The following UTP14A variants were observed in gnomAD, a reference collection of about 807,000 sequenced individuals.
The protein encoded by UTP14A is U3 small nucleolar RNA-associated protein 14 homolog A.
Under a neutral mutation model 57.2 loss-of-function variants are expected in UTP14A, and 5 were observed. The observed-to-expected ratio is 0.09, with a 90% CI of 0.05 to 0.18. The LOEUF (loss-of-function observed/expected upper bound fraction) is 0.18, where lower values mean the gene tolerates loss of function less well. UTP14A is among the 10% of genes least tolerant of loss of function. The probability of loss-of-function intolerance (pLI) is 1.00; values close to 1 mark genes in which losing one functional copy is unlikely to be tolerated. For synonymous variants in UTP14A, 169 were observed against 210.9 expected (o/e 0.80, Z 1.72); for missense variants, 430 against 562.1 (o/e 0.76, Z 2.38).
At chrX:129,907,943 G>C in intron 2 of UTP14A, 117 bp from the exon 3 acceptor site, 1 of 649,749 alleles carries the variant, frequency 1.5e-6, no homozygotes, top group African/African-American at 2.3e-5. Context: ...GCAACAGAGC[G>C]AGACGCCGTC....
intron 3 of UTP14A, chrX:129,908,357 T>G (rs1331165449): frequency 2.4e-6 from 1 of 417,057 alleles, no homozygotes; most frequent in African/African-American, 2.5e-5. Context: ...TAGGCATTAT[T>G]TAACCCCATT....
At chrX:129,909,335 G>A (rs1326303596) in intron 4 of UTP14A, among the ~76,000 whole-genome samples, 4 of 106,962 alleles carry the variant, frequency 3.7e-5, no homozygotes, top group African/African-American at 6.9e-5. Flanking sequence ...TCAGCCTCCC[G>A]AGTATCTGGG....
chrX:129,926,185 T>G, intron 13 of UTP14A, 55 bp from the exon 14 acceptor site: 1 of 1,207,837 alleles, frequency 8.3e-7, no homozygotes, highest in East Asian at 3.0e-5. Context: ...CTCCCTACCC[T>G]TTTGACTAAG....
At chrX:129,913,850 G>A (rs993980704) in intron 6 of UTP14A, among the ~76,000 whole-genome samples, 2 of 111,194 alleles carry the variant, frequency 1.8e-5, no homozygotes, top group African/African-American at 6.5e-5. Context: ...GCATGGTGGT[G>A]TGTGCCTGTA....
chrX:129,920,187 T>C (rs1192689863), intron 8 of UTP14A, among the ~76,000 whole-genome samples: 1 of 103,944 alleles, frequency 9.6e-6, no homozygotes, highest in East Asian at 3.0e-4. Context: ...AGACCCTGTC[T>C]AAAAAAAAAA....
At chrX:129,915,800 T>C (rs1344037603) in intron 6 of UTP14A, among the ~76,000 whole-genome samples, 1 of 110,005 alleles carries the variant, frequency 9.1e-6, no homozygotes, top group African/African-American at 3.3e-5. Context: ...AATTGCCAAA[T>C]CCCAAGCCCT....
intron 4 of UTP14A, among the ~76,000 whole-genome samples, chrX:129,908,935 C>G (rs1309043725): frequency 8.9e-6 from 1 of 111,911 alleles, no homozygotes. Context: ...AGGCTGTGGT[C>G]AAGGTATCCT....
intron 10 of UTP14A, 183 bp downstream of exon 10, chrX:129,920,935 C>T (rs1320567015): frequency 2.7e-6 from 2 of 752,575 alleles, no homozygotes; most frequent in East Asian, 1.5e-4. Context: ...AGGGAAACAG[C>T]ATTGAAGGCA....
intron 3 of UTP14A, 59 bp downstream of exon 3, chrX:129,908,189 G>C: frequency 9.8e-7 from 1 of 1,015,915 alleles, no homozygotes; most frequent in Non-Finnish European, 1.4e-6. Flanking sequence ...TTTCTCTGCA[G>C]CTAATATTTA....
chrX:129,911,268 C>T, intron 5 of UTP14A, 118 bp downstream of exon 5: 2 of 948,113 alleles, frequency 2.1e-6, no homozygotes. Flanking sequence ...TGTGATTTCC[C>T]CACTATGGAT....
chrX:129,928,760 C>CA (rs1253526321), intron 14 of UTP14A, among the ~76,000 whole-genome samples: 7 of 98,258 alleles, frequency 7.1e-5, no homozygotes, highest in Admixed American at 1.1e-4. Flanking sequence ...TCTCAAAAAA[C>CA]AAAAAAAAAA....
At position 129,926,314 on chromosome X, in the gene UTP14A, G is replaced by A. The variant is rs1247104241; in HGVS notation, c.2018G>A (p.Arg673His). ...NLPNVIINEK[R>H]NIHAAAHQVR... ...CCAAATGTGATTATCAATGAGAAGC[G>A]CAACATCCACGCAGCTGCTCATCAG... The change falls in exon 14 of 15, where the codon CGC becomes CAC. Residue 673 changes from arginine (R) to histidine (H), a missense_variant. This residue lies in a region of UTP14A where 82 missense variants were observed against 151.4 expected (regional missense o/e 0.54). Coordinates refer to ENST00000394422, the MANE Select transcript of UTP14A (RefSeq NM_006649.4). 3 of 1,211,421 alleles carry A rather than the reference G, an allele frequency of 2.5e-6. No individual in the cohort carries two copies. The highest frequency in any genetic ancestry group is 1.7e-5 in the African/African-American group (1 of 57,816).
Position 129,929,602 on chromosome X carries a change from A to G in UTP14A, c.2310A>G (p.Val770=), listed in dbSNP as rs1930242695. ...RHKKQLKKCS[V]D ...AAAAACAGCTGAAGAAATGCTCTGT[A>G]GATTGAGTTGCTGGAGGAGTGACAG... Residue 770 remains valine, a synonymous_variant, in exon 15 of 15, where the codon GTA becomes GTG. Coordinates refer to ENST00000394422, the MANE Select transcript of UTP14A (RefSeq NM_006649.4). 2 of 1,206,565 alleles carry G rather than the reference A, an allele frequency of 1.7e-6. No individual in the cohort carries two copies. Among genetic ancestry groups the G allele is most frequent in the Admixed American group, 2.2e-5 (1 of 45,685 alleles).
Position 129,908,819 on chromosome X carries a change from G to A in UTP14A, c.238+85G>A, listed in dbSNP as rs1029975764. The stretch of plus-strand genomic sequence containing the variant: ...GTTCACCTCACCCCCCCTAGGAACT[G>A]TTTTTGATGTGGTTAATGACTCATA... On this transcript the variant is annotated intron_variant, in intron 4 of 14. Transcript: ENST00000394422. 5 of 900,322 alleles carry A rather than the reference G, an allele frequency of 5.6e-6. No homozygotes were observed. In the African/African-American group the frequency reaches 7.9e-5, roughly 14 times the overall value. 74.2% of individuals were successfully genotyped at this position (900,322 alleles called of 1,213,427 possible).
chrX:129,906,226 C>T lies in UTP14A; in HGVS notation c.16C>T (p.Leu6Phe), dbSNP rs1010736942. The stretch of plus-strand genomic sequence containing the variant: ...GGCTGCTGAAATGACTGCGAACCGG[C>T]TTGCAGAGAGGTGAAGGGCAACGAG... The part of the protein sequence containing the change: MTANR[L>F]AESLLALSQQ... The change falls in exon 1 of 15, where the codon CTT (leucine) becomes TTT (phenylalanine). Residue 6 changes from leucine (L) to phenylalanine (F), a missense_variant. This residue lies in a region of UTP14A where 145 missense variants were observed against 153.5 expected (regional missense o/e 0.94). Coordinates refer to ENST00000394422, the MANE Select transcript of UTP14A (RefSeq NM_006649.4). 6 of 1,207,155 alleles carry T rather than the reference C, an allele frequency of 5.0e-6. No individual in the cohort carries two copies. The African/African-American group carries it at 8.8e-5, about 18-fold the overall frequency.
At chrX:129,929,269 C>A in intron 14 of UTP14A, 67 bp from the exon 15 acceptor site, 1 of 1,140,482 alleles carries the variant, frequency 8.8e-7, no homozygotes, top group South Asian at 2.0e-5. Flanking sequence ...CTGATGAAAG[C>A]TGCCATTACA....
Position 129,908,060 on chromosome X carries a change from G to A in UTP14A, c.103G>A (p.Gly35Arg), listed in dbSNP as rs1929321123. The change falls in exon 3 of 15, where the codon GGG becomes AGG. Residue 35 changes from glycine to arginine, a missense_variant and splice_region_variant. By Grantham distance (125) the Gly-to-Arg change is moderately radical. Around this residue, in one of 4 missense-constraint regions of UTP14A, gnomAD observed 145 missense variants for 153.5 expected, o/e 0.94. Transcript: ENST00000394422. Reference sequence around the variant, plus strand: ...TTGTTTTTCCTTTTCTGTGTCTTAGGGGGACAATGATGGAGAGAGAAAGCA... The same window carrying A: ...TTGTTTTTCCTTTTCTGTGTCTTAGAGGGACAATGATGGAGAGAGAAAGCA... ...DYLLSESEDE[G>R]DNDGERKHQK... 2.5e-6 allele frequency: 3 copies of A among 1,206,689 alleles called. No individual in the cohort carries two copies. The highest frequency in any genetic ancestry group is 3.5e-5 in the African/African-American group (2 of 57,554).
intron 14 of UTP14A, 45 bp from the exon 15 acceptor site, chrX:129,929,291 C>T (rs762693407): frequency 4.2e-6 from 5 of 1,187,602 alleles, no homozygotes; most frequent in Admixed American, 4.5e-5. Flanking sequence ...TATACAACTG[C>T]ACCCCAGGCC....
At chrX:129,910,027 A>G (rs967398728) in intron 4 of UTP14A, among the ~76,000 whole-genome samples, 5 of 112,136 alleles carry the variant, frequency 4.5e-5, no homozygotes, top group African/African-American at 1.6e-4. Context: ...GATGCAGTAA[A>G]GCAACTAAGT....
Sources: allele counts gnomAD v4.1 joint callset (sites outside exome capture counted in the v4.1 genomes callset), GRCh38; gene constraint gnomAD v4.1.1; regional missense constraint gnomAD v4.1.1; transcripts MANE v1.5; gene names NCBI Gene and HGNC (gene_info 2026-07-23, HGNC 2026-07-21).